KAT6B: variants seen among roughly 807,000 people sequenced by gnomAD.
KAT6B encodes lysine acetyltransferase 6B.
In KAT6B, 10 loss-of-function variants were observed where a neutral mutation model predicts 187.5. The ratio of observed to expected loss-of-function variants is 0.05; its 90% CI spans 0.03 to 0.09. The LOEUF (loss-of-function observed/expected upper bound fraction) is 0.09. Ranked by LOEUF, KAT6B falls within the 10% of genes least tolerant of loss-of-function variation. KAT6B has a pLI of 1.00. For missense variants in KAT6B, 1,952 were observed against 2,558.9 expected, an observed-to-expected ratio of 0.76 and a Z score of 5.12; for synonymous variants, 861 against 926.8, an observed-to-expected ratio of 0.93 and a Z score of 1.29.
intron 4 of KAT6B, among the ~76,000 whole-genome samples, chr10:74,962,791 T>C (rs1416771521): frequency 1.3e-5 from 2 of 152,202 alleles, no homozygotes; most frequent in Non-Finnish European, 2.9e-5. Flanking sequence ...GAAATTTATC[T>C]GTTTTTAAAG....
In KAT6B at chr10:74,969,785, G is replaced by C. The variant is rs760293261; in HGVS notation, c.846+10G>C. 2 of 1,577,498 alleles carry C rather than the reference G, an allele frequency of 1.3e-6. No individual in the cohort carries two copies. The highest frequency in any genetic ancestry group is 2.2e-5 in the South Asian group (2 of 90,270). ...CCAAGGCAGAAATGCTGTAAGTATGGCTCCCGTAATCCGCCTCCAGGTAAC... is the reference window on the plus strand; with the variant it reads ...CCAAGGCAGAAATGCTGTAAGTATGCCTCCCGTAATCCGCCTCCAGGTAAC... On this transcript the variant is annotated intron_variant, in intron 5 of 17. Transcript: ENST00000287239.
intron 3 of KAT6B, among the ~76,000 whole-genome samples, chr10:74,920,521 G>T (rs1438271463): frequency 1.3e-5 from 2 of 152,086 alleles, no homozygotes; most frequent in Non-Finnish European, 2.9e-5. Context: ...TTAGAAGAGT[G>T]CCTCCAGCAT....
At chr10:74,918,304 T>C (rs1266039079) in intron 3 of KAT6B, among the ~76,000 whole-genome samples, 3 of 152,232 alleles carry the variant, frequency 2.0e-5, no homozygotes, top group South Asian at 2.1e-4. Context: ...TGTTCTAATA[T>C]ATTCTAGTGG....
intron 16 of KAT6B, chr10:75,023,335 C>T (rs1564627257): frequency 6.6e-6 from 1 of 152,236 alleles, no homozygotes; most frequent in East Asian, 1.9e-4. Flanking sequence ...CTCTTCTAGG[C>T]CTGGCAGTCT....
chr10:74,864,320 A>G (rs571116572), intron 3 of KAT6B, among the ~76,000 whole-genome samples: 31 of 152,222 alleles, frequency 2.0e-4, no homozygotes, highest in Non-Finnish European at 3.5e-4. Flanking sequence ...GCTCACTGCA[A>G]CGCTCCATCT....
At chr10:74,830,626 C>T (rs1840683040) in intron 1 of KAT6B, among the ~76,000 whole-genome samples, 2 of 149,790 alleles carry the variant, frequency 1.3e-5, no homozygotes, top group African/African-American at 2.5e-5. Context: ...TATGAATTCC[C>T]TTGCTTCTCG....
chr10:74,868,517 A>C (rs1482441191), intron 3 of KAT6B, among the ~76,000 whole-genome samples: 1 of 152,136 alleles, frequency 6.6e-6, no homozygotes. Flanking sequence ...GTTTTACTGA[A>C]GGTGCAATAT....
intron 1 of KAT6B, among the ~76,000 whole-genome samples, chr10:74,827,594 T>A (rs537664707): frequency 2.0e-5 from 3 of 152,020 alleles, no homozygotes; most frequent in South Asian, 4.2e-4. Context: ...CAGAGCAAAC[T>A]TAAATATGAA....
chr10:75,007,383 C>T (rs1262240792), intron 13 of KAT6B, among the ~76,000 whole-genome samples: 1 of 151,840 alleles, frequency 6.6e-6, no homozygotes, highest in Non-Finnish European at 1.5e-5. Flanking sequence ...TCAAGTGGCC[C>T]CAGTTCAACC....
intron 12 of KAT6B, among the ~76,000 whole-genome samples, chr10:74,988,391 C>T (rs981973845): frequency 4.6e-5 from 7 of 152,192 alleles, no homozygotes; most frequent in African/African-American, 1.7e-4. Flanking sequence ...TTGGTCTAAC[C>T]TTTGTTTGGA....
intron 3 of KAT6B, among the ~76,000 whole-genome samples, chr10:74,850,898 A>G (rs1156471543): frequency 6.6e-6 from 1 of 152,180 alleles, no homozygotes; most frequent in Non-Finnish European, 1.5e-5. Context: ...TTAAGTGTCA[A>G]GTCTTGGTCT....
intron 3 of KAT6B, among the ~76,000 whole-genome samples, chr10:74,909,940 C>T (rs533441942): frequency 3.9e-5 from 6 of 152,108 alleles, no homozygotes; most frequent in Admixed American, 2.6e-4. Context: ...CTTCTTTTCC[C>T]TAACATTCTC....
intron 3 of KAT6B, among the ~76,000 whole-genome samples, chr10:74,950,159 G>C (rs1358553235): frequency 6.6e-6 from 1 of 152,126 alleles, no homozygotes; most frequent in Non-Finnish European, 1.5e-5. Context: ...CTTATAGTAA[G>C]TATATCTCCA....
chr10:74,915,747 G>A (rs945712716), intron 3 of KAT6B, among the ~76,000 whole-genome samples: 2 of 152,158 alleles, frequency 1.3e-5, no homozygotes, highest in Non-Finnish European at 2.9e-5. Flanking sequence ...AATTTCAAAA[G>A]GTTGCATGTG....
In KAT6B at chr10:74,861,982, A is replaced by G. The variant is rs897062378; in HGVS notation, c.621+18504A>G. On this transcript the variant is annotated intron_variant, in intron 3 of 17. Coordinates refer to ENST00000287239, the MANE Select transcript of KAT6B (RefSeq NM_012330.4). ...TCTCCTCTTTGTCTTCATAGCAGCCATTCACTTGTCTAGAAATCTTTGCAT... is the reference window on the plus strand; with the variant it reads ...TCTCCTCTTTGTCTTCATAGCAGCCGTTCACTTGTCTAGAAATCTTTGCAT... Among the ~76,000 whole-genome samples, 7 of 152,200 alleles carry G rather than the reference A, an allele frequency of 4.6e-5. No individual in the cohort carries two copies. The South Asian group carries it at 1.4e-3, about 32-fold the overall frequency.
rs75181504 is a variant in KAT6B, at chr10:74,868,260, C to T, written c.621+24782C>T. ...TGTTTGTTTATTATATTTTAAGAGA[C>T]GGTGTCCCTGTCTTGCCCAGGCTCG... is the stretch of plus-strand genomic sequence containing the variant. On this transcript the variant is annotated intron_variant, in intron 3 of 17. Transcript: ENST00000287239. Among the ~76,000 whole-genome samples, 161 of 152,170 alleles carry T rather than the reference C, an allele frequency of 1.1e-3. 5 individuals carry two copies. In the East Asian group the frequency reaches 0.025, roughly 24 times the overall value.
intron 13 of KAT6B, among the ~76,000 whole-genome samples, chr10:75,018,787 G>C (rs1329114569): frequency 1.3e-5 from 2 of 152,106 alleles, no homozygotes; most frequent in African/African-American, 4.8e-5. Context: ...TAGAGGACCT[G>C]GGGACTTTCA....
chr10:75,024,928 CTTATGTG>C (rs1564628062), intron 16 of KAT6B, 23 bp from the exon 17 acceptor site: 14 of 1,607,488 alleles, frequency 8.7e-6, no homozygotes, highest in African/African-American at 1.3e-5. Context: ...CTCATGAGCT[CTTATGTG>C]TTATGTTTGG....
chr10:74,927,695 G>A (rs1848604241), intron 3 of KAT6B, among the ~76,000 whole-genome samples: 1 of 152,008 alleles, frequency 6.6e-6, no homozygotes, highest in African/African-American at 2.4e-5. Flanking sequence ...AATGGATGGT[G>A]TATTTCCTAC....
Sources: allele counts gnomAD v4.1 joint callset (sites outside exome capture counted in the v4.1 genomes callset), GRCh38; gene constraint gnomAD v4.1.1; transcripts MANE v1.5; gene names NCBI Gene and HGNC (gene_info 2026-07-23, HGNC 2026-07-21).